PITPNM2: variants seen among roughly 807,000 people sequenced by gnomAD.
PITPNM2 encodes membrane-associated phosphatidylinositol transfer protein 2.
In PITPNM2, 35 loss-of-function variants were observed where a neutral mutation model predicts 132.2. That is an observed-to-expected ratio of 0.26 (90% CI 0.20 to 0.35). The LOEUF is 0.35. PITPNM2 is among the 10% of genes least tolerant of loss of function. The pLI, the probability that PITPNM2 is intolerant of heterozygous loss-of-function variation, is 1.00. For missense variants in PITPNM2, 1,332 were observed against 1,912.0 expected (o/e 0.70, Z 5.66); for synonymous variants, 738 against 799.2 (o/e 0.92, Z 1.29).
rs2040078631 is a variant in PITPNM2 at position 123,031,303 on chromosome 12, G to A, written c.78+3210C>T. Among the ~76,000 whole-genome samples the A allele has an allele frequency of 6.6e-6, 1 of 152,182 alleles. No homozygotes were observed. Reference sequence around the variant, plus strand: ...GCGTTTTGCCCCTCAGAGGGCACACGACCTATGGGCCTGGCAATATCTTGG... The same window carrying A: ...GCGTTTTGCCCCTCAGAGGGCACACAACCTATGGGCCTGGCAATATCTTGG... On this transcript the variant is annotated intron_variant, in intron 3 of 25. Coordinates refer to ENST00000320201, the MANE Select transcript of PITPNM2 (RefSeq NM_020845.3). The surrounding 1 kb of genome is among the most constrained non-coding windows in gnomAD (Gnocchi z 4.5).
In PITPNM2 at chr12:123,005,219, G is replaced by A; in HGVS notation, c.952+21C>T. 1.3e-6 allele frequency: 2 copies of A among 1,599,010 alleles called. No individual in the cohort carries two copies. The highest frequency in any genetic ancestry group is 8.5e-7 in the Non-Finnish European group (1 of 1,170,752). On this transcript the variant is annotated intron_variant, in intron 7 of 25. Transcript: ENST00000320201. This position sits in a 1 kb window ranked among gnomAD's most constrained non-coding sequence, Gnocchi z 6.2. ...AGGGGAGGGACCTTGAGTGTGGGTG[G>A]CAGGTGGCGCAGGGCCTTACCTCCC...
At chr12:123,113,817 A>C (rs2042886489) in intron 1 of PITPNM2, among the ~76,000 whole-genome samples, 1 of 152,056 alleles carries the variant, frequency 6.6e-6, no homozygotes, top group South Asian at 2.1e-4. Context: ...TCACCCCAAA[A>C]AGAAAACTTG....
At chr12:123,086,767 A>G (rs551316977) in intron 2 of PITPNM2, among the ~76,000 whole-genome samples, 1 of 152,322 alleles carries the variant, frequency 6.6e-6, no homozygotes, top group East Asian at 1.9e-4. Context: ...TCTCAAGGGA[A>G]GTGTGGAAGG....
At position 123,117,522 on chromosome 12, in the gene PITPNM2, G is replaced by A. The variant is rs756284333; in HGVS notation, c.-199-7034C>T. ...TCTGTTTCCCCATCTGTAGAGTGAG[G>A]AGGCTGGGCTTCATGACCTCTGAAA... On this transcript the variant is annotated intron_variant, in intron 1 of 25. Coordinates refer to ENST00000320201, the MANE Select transcript of PITPNM2 (RefSeq NM_020845.3). This position sits in a 1 kb window ranked among gnomAD's most constrained non-coding sequence, Gnocchi z 4.7. Among the ~76,000 whole-genome samples, 3 of 152,168 alleles carry A rather than the reference G, an allele frequency of 2.0e-5. No individual in the cohort carries two copies. Among genetic ancestry groups the A allele is most frequent in the Non-Finnish European group, 4.4e-5 (3 of 68,030 alleles).
chr12:123,023,870 T>C lies in PITPNM2; in HGVS notation c.79-9828A>G, dbSNP rs1412702819. ...AACGTACAAAATGGGAGAGAATTTT[T>C]ATATACAATATATCTTATAGTAACT... On this transcript the variant is annotated intron_variant, in intron 3 of 25. Coordinates refer to ENST00000320201, the MANE Select transcript of PITPNM2 (RefSeq NM_020845.3). The surrounding 1 kb of genome is among the most constrained non-coding windows in gnomAD (Gnocchi z 4.8). Among the ~76,000 whole-genome samples, 2 of 152,200 alleles carry C rather than the reference T, an allele frequency of 1.3e-5. No individual in the cohort carries two copies. Among genetic ancestry groups the C allele is most frequent in the Non-Finnish European group, 2.9e-5 (2 of 68,046 alleles).
chr12:123,054,945 T>C (rs1420495062), intron 2 of PITPNM2, among the ~76,000 whole-genome samples: 1 of 152,184 alleles, frequency 6.6e-6, no homozygotes, highest in African/African-American at 2.4e-5. Context: ...ACGCTTGTAG[T>C]TCCAGCTATT....
At position 123,034,615 on chromosome 12, in the gene PITPNM2, A is replaced by T; in HGVS notation, c.-25T>A. 6.2e-7 allele frequency: 1 copy of T among 1,607,674 alleles called. No individual in the cohort carries two copies. Among genetic ancestry groups the T allele is most frequent in the Non-Finnish European group, 8.5e-7 (1 of 1,174,104 alleles). On this transcript the variant is annotated 5_prime_UTR_variant, in exon 3 of 26. Transcript: ENST00000320201. ...TCTTGGAGTCCAAGCCTTCCCGTCG[A>T]TGGGGAACTGCAAGTTGGGACTTCT...
rs745560402 is a variant in PITPNM2 at position 122,988,747 on chromosome 12, C to T, written c.2857G>A (p.Val953Met). The T allele has an allele frequency of 4.3e-5, 68 of 1,567,152 alleles. 1 individual carries two copies. Among genetic ancestry groups the T allele is most frequent in the Non-Finnish European group, 5.9e-5 (68 of 1,155,842 alleles). The change falls in exon 19 of 26, where the codon GTG becomes ATG. Residue 953 changes from valine (V) to methionine (M), a missense_variant. This residue lies in a region of PITPNM2 where 251 missense variants were observed against 472.0 expected (regional missense o/e 0.53). Coordinates refer to ENST00000320201, the MANE Select transcript of PITPNM2 (RefSeq NM_020845.3). ...FHASYWESTD[V>M]VSFLLRQVMR... The stretch of plus-strand genomic sequence containing the variant: ...ACCTGTCTCAGCAGAAAGGAGACCA[C>T]GTCTGTTGACTCCCAGTAGCTGGCG...
rs564978002 is a variant in PITPNM2, at chr12:122,990,800, C to T, written c.2405-91G>A. The T allele has an allele frequency of 7.3e-5, 99 of 1,355,426 alleles. 1 individual carries two copies. In the East Asian group the frequency reaches 2.3e-3, roughly 31 times the overall value. The allele number at this position is 1,355,426 out of a possible 1,614,324, so 84.0% of individuals were successfully genotyped here. On this transcript the variant is annotated intron_variant, in intron 16 of 25. Coordinates refer to ENST00000320201, the MANE Select transcript of PITPNM2 (RefSeq NM_020845.3). ...AGCCAGTGTGCCAGGGTCCAGTGTGCACCTAGACTGGAGGCTGGGCAGCAG... is the reference window on the plus strand; with the variant it reads ...AGCCAGTGTGCCAGGGTCCAGTGTGTACCTAGACTGGAGGCTGGGCAGCAG...
At chr12:123,103,896 TTTTATTTATTTA>T (rs113942958) in intron 2 of PITPNM2, among the ~76,000 whole-genome samples, 7 of 149,928 alleles carry the variant, frequency 4.7e-5, no homozygotes, top group East Asian at 3.9e-4. Flanking sequence ...TATTTTGTTA[TTTTATTTATTTA>T]TTTATTTATT....
In PITPNM2 at chr12:122,990,546, C is replaced by T. The variant is rs2038141992; in HGVS notation, c.2568G>A (p.Gln856=). The stretch of plus-strand genomic sequence containing the variant: ...GGGTGAGGGGCCTGGTATACTCACT[C>T]TGGGCGATGCTGGATGCCGTGTAGC... ...AESYTASSIA[Q]KAPDALSHTP... Residue 856 remains glutamine (Q), a splice_region_variant and synonymous_variant, in exon 17 of 26, where the codon CAG becomes CAA. Coordinates refer to ENST00000320201, the MANE Select transcript of PITPNM2 (RefSeq NM_020845.3). 1 of 1,612,822 alleles carries T rather than the reference C, an allele frequency of 6.2e-7. No individual in the cohort carries two copies. The highest frequency in any genetic ancestry group is 8.5e-7 in the Non-Finnish European group (1 of 1,179,920).
intron 1 of PITPNM2, among the ~76,000 whole-genome samples, chr12:123,123,482 G>A (rs1398906983): frequency 1.3e-5 from 2 of 151,814 alleles, no homozygotes; most frequent in African/African-American, 2.4e-5. Context: ...GCAGTTGCAC[G>A]TGCCTCTAGT....
At chr12:122,995,775 C>T in intron 13 of PITPNM2, 115 bp from the exon 14 acceptor site, 1 of 1,385,972 alleles carries the variant, frequency 7.2e-7, no homozygotes, top group East Asian at 2.5e-5. Flanking sequence ...CACTGTCCAG[C>T]CGGCCTCTTG....
chr12:123,131,266 G>A (rs1310457992), intron 1 of PITPNM2, among the ~76,000 whole-genome samples: 1 of 152,138 alleles, frequency 6.6e-6, no homozygotes. Flanking sequence ...AAGTCACAGA[G>A]GCAGATAGAC....
rs2041833492 is a variant in PITPNM2 at position 123,077,614 on chromosome 12, C to T, written c.-96+32771G>A. Reference sequence around the variant, plus strand: ...TCCCTAGAGGAGAACTCCACGCACCCAAACTCTGCTGTGCCCCCTCTGAGT... The same window carrying T: ...TCCCTAGAGGAGAACTCCACGCACCTAAACTCTGCTGTGCCCCCTCTGAGT... On this transcript the variant is annotated intron_variant, in intron 2 of 25. Coordinates refer to ENST00000320201, the MANE Select transcript of PITPNM2 (RefSeq NM_020845.3). This position sits in a 1 kb window ranked among gnomAD's most constrained non-coding sequence, Gnocchi z 4.8. Among the ~76,000 whole-genome samples the T allele has an allele frequency of 6.6e-6, 1 of 152,172 alleles. No homozygotes were observed. The highest frequency in any genetic ancestry group is 6.5e-5 in the Admixed American group (1 of 15,278).
intron 2 of PITPNM2, among the ~76,000 whole-genome samples, chr12:123,043,209 G>A (rs181504572): frequency 2.0e-3 from 307 of 152,210 alleles, no homozygotes; most frequent in African/African-American, 7.0e-3. Context: ...AGCAGGCAGA[G>A]AGCTGGGTTG....
At position 123,036,040 on chromosome 12, in the gene PITPNM2, G is replaced by T. The variant is rs1393624713; in HGVS notation, c.-95-1355C>A. On this transcript the variant is annotated intron_variant, in intron 2 of 25. Coordinates refer to ENST00000320201, the MANE Select transcript of PITPNM2 (RefSeq NM_020845.3). This position sits in a 1 kb window ranked among gnomAD's most constrained non-coding sequence, Gnocchi z 4.1. The stretch of plus-strand genomic sequence containing the variant: ...ACACCCGGCTAACGGTAGTATTTTA[G>T]CAAGACTACTCCAAGGACAGCAGCC... Among the ~76,000 whole-genome samples the T allele has an allele frequency of 6.6e-6, 1 of 152,026 alleles. No homozygotes were observed. Among genetic ancestry groups the T allele is most frequent in the African/African-American group, 2.4e-5 (1 of 41,394 alleles).
intron 1 of PITPNM2, among the ~76,000 whole-genome samples, chr12:123,130,829 CT>C: frequency 6.6e-6 from 1 of 152,256 alleles, no homozygotes; most frequent in East Asian, 1.9e-4. Context: ...TGAGAACAGC[CT>C]TCCCTGTAAT....
intron 8 of PITPNM2, among the ~76,000 whole-genome samples, chr12:123,002,976 C>T (rs2038761930): frequency 6.6e-6 from 1 of 152,066 alleles, no homozygotes; most frequent in Non-Finnish European, 1.5e-5. Flanking sequence ...TGGGCTCCAG[C>T]AATCCACCTG....
Sources: allele counts gnomAD v4.1 joint callset (sites outside exome capture counted in the v4.1 genomes callset), GRCh38; gene constraint gnomAD v4.1.1; regional missense constraint gnomAD v4.1.1; non-coding constraint Gnocchi (gnomAD v3.1); transcripts MANE v1.5; gene names NCBI Gene and HGNC (gene_info 2026-07-23, HGNC 2026-07-21).